Variants in TRPM3 observed in about 807,000 individuals in gnomAD.
The protein encoded by TRPM3 is long transient receptor potential channel 3.
A neutral mutation model predicts 181.2 loss-of-function variants in TRPM3; 77 were observed. The ratio of observed to expected loss-of-function variants is 0.42; its 90% confidence interval spans 0.35 to 0.51. TRPM3 has a LOEUF of 0.51. Ranked by LOEUF, TRPM3 falls within the 20% of genes least tolerant of loss-of-function variation. The pLI is 0.01. For synonymous variants in TRPM3, 745 were observed against 796.4 expected, an observed-to-expected ratio of 0.94 and a Z score of 1.09; for missense variants, 1,759 against 2,196.7, an observed-to-expected ratio of 0.80 and a Z score of 3.98.
At chr9:71,296,872 C>T (rs1315092085) in intron 1 of TRPM3, among the ~76,000 whole-genome samples, 1 of 151,748 alleles carries the variant, frequency 6.6e-6, no homozygotes, top group Non-Finnish European at 1.5e-5. Context: ...AAGTTTTGGG[C>T]ATCTACTACT....
rs1165014529 is a variant in TRPM3, at chr9:70,625,466, T to C, written c.1668+16A>G. 1.2e-6 allele frequency: 2 copies of C among 1,607,722 alleles called. No individual in the cohort carries two copies. Among genetic ancestry groups the C allele is most frequent in the East Asian group, 2.2e-5 (1 of 44,872 alleles). ...GAAACATATGAATGTATTATTATGC[T>C]GGTTAATTAATTCACCTTAAAATAG... On this transcript the variant is annotated intron_variant, in intron 13 of 25. Transcript: ENST00000677713. The surrounding 1 kb of genome is among the most constrained non-coding windows in gnomAD (Gnocchi z 4.8).
intron 1 of TRPM3, among the ~76,000 whole-genome samples, chr9:70,948,820 T>C (rs1431337770): frequency 3.9e-5 from 6 of 152,228 alleles, no homozygotes; most frequent in Admixed American, 6.5e-5. Flanking sequence ...TGGATTTGCT[T>C]GAACTACTTA....
intron 8 of TRPM3, among the ~76,000 whole-genome samples, chr9:70,754,470 G>A (rs544096483): frequency 1.3e-5 from 2 of 152,184 alleles, no homozygotes; most frequent in Admixed American, 1.3e-4. Context: ...AAGCAGAGGA[G>A]TGAATTACTT....
At position 71,009,462 on chromosome 9, in the gene TRPM3, AAAGT is replaced by A. The variant is rs563422388; in HGVS notation, c.177+111712_177+111715del. Reference sequence around the variant, plus strand: ...TACACCAGTAGTGAACTATCTGAAAAAAGTAATTAAGAAAACAATTTTATTTACA... The same window carrying A: ...TACACCAGTAGTGAACTATCTGAAAAAATTAAGAAAACAATTTTATTTACA... On this transcript the variant is annotated intron_variant, in intron 1 of 25. Transcript: ENST00000677713. Among the ~76,000 whole-genome samples the A allele has an allele frequency of 4.9e-4, 74 of 152,298 alleles. 1 individual carries two copies. Among genetic ancestry groups the A allele is most frequent in the African/African-American group, 1.6e-3 (68 of 41,576 alleles).
At chr9:70,869,614 G>A (rs1217061534) in intron 1 of TRPM3, among the ~76,000 whole-genome samples, 3 of 152,170 alleles carry the variant, frequency 2.0e-5, no homozygotes, top group South Asian at 2.1e-4. Context: ...GAAGAATGAA[G>A]TTGGAGTTTG....
intron 6 of TRPM3, among the ~76,000 whole-genome samples, chr9:70,804,056 C>A (rs955955202): frequency 3.3e-5 from 5 of 152,044 alleles, no homozygotes; most frequent in Non-Finnish European, 7.4e-5. Flanking sequence ...TCTGGCCAGG[C>A]ATGGTGGCTC....
At chr9:70,608,747 T>C (rs865991125) in intron 19 of TRPM3, among the ~76,000 whole-genome samples, 6 of 152,176 alleles carry the variant, frequency 3.9e-5, no homozygotes, top group African/African-American at 7.2e-5. Flanking sequence ...GGCTGAGACA[T>C]GAGACTCACT....
intron 12 of TRPM3, among the ~76,000 whole-genome samples, chr9:70,628,281 C>A (rs1186928773): frequency 6.6e-6 from 1 of 152,142 alleles, no homozygotes; most frequent in Non-Finnish European, 1.5e-5. Context: ...TTTTCCCTGG[C>A]AGGGTGAGGA....
upstream of TRPM3, among the ~76,000 whole-genome samples, chr9:71,124,496 T>C (rs1393800163): frequency 6.6e-6 from 1 of 152,138 alleles, no homozygotes; most frequent in African/African-American, 2.4e-5. Context: ...GCAGGGCATA[T>C]CAGATTTCTG....
At chr9:71,263,210 A>T (rs1230815276) in intron 1 of TRPM3, among the ~76,000 whole-genome samples, 1 of 152,116 alleles carries the variant, frequency 6.6e-6, no homozygotes, top group Non-Finnish European at 1.5e-5. Context: ...TCATACCTTC[A>T]TCTTAGTTGA....
chr9:71,421,598 A>C (rs533989356), intron 1 of TRPM3, among the ~76,000 whole-genome samples: 2 of 151,984 alleles, frequency 1.3e-5, no homozygotes, highest in African/African-American at 4.8e-5. Flanking sequence ...ATATACAGTC[A>C]TATGTCACTT....
intron 1 of TRPM3, among the ~76,000 whole-genome samples, chr9:71,302,780 CT>C (rs2086894199): frequency 7.7e-6 from 1 of 130,132 alleles, no homozygotes; most frequent in Admixed American, 8.2e-5. Context: ...AATAAATATT[CT>C]AAAAAAAAAA....
chr9:71,354,383 A>T (rs897126374), intron 1 of TRPM3, among the ~76,000 whole-genome samples: 1 of 152,060 alleles, frequency 6.6e-6, no homozygotes, highest in African/African-American at 2.4e-5. Flanking sequence ...CCACCCACAC[A>T]CTCATTAGGT....
intron 1 of TRPM3, among the ~76,000 whole-genome samples, chr9:70,945,579 A>T (rs938732170): frequency 2.6e-5 from 4 of 152,188 alleles, no homozygotes; most frequent in African/African-American, 9.6e-5. Flanking sequence ...GACATTAACC[A>T]ACTCCCCAAA....
At chr9:70,823,138 C>T (rs1188403213) in intron 6 of TRPM3, among the ~76,000 whole-genome samples, 1 of 152,084 alleles carries the variant, frequency 6.6e-6, no homozygotes, top group Non-Finnish European at 1.5e-5. Context: ...CCCCCCGACC[C>T]CACGCACACA....
intron 1 of TRPM3, among the ~76,000 whole-genome samples, chr9:70,891,273 G>A (rs549234281): frequency 3.3e-5 from 5 of 151,952 alleles, no homozygotes; most frequent in Admixed American, 2.0e-4. Context: ...CTGAAAAATT[G>A]AAAAAAATAA....
At chr9:70,784,619 G>T (rs1337829546) in intron 6 of TRPM3, among the ~76,000 whole-genome samples, 3 of 152,192 alleles carry the variant, frequency 2.0e-5, no homozygotes, top group Non-Finnish European at 2.9e-5. Context: ...CAGCAACCAA[G>T]AGCGTGGAAG....
intron 1 of TRPM3, among the ~76,000 whole-genome samples, chr9:71,011,223 T>C (rs1424093269): frequency 6.6e-6 from 1 of 152,132 alleles, no homozygotes; most frequent in Non-Finnish European, 1.5e-5. Context: ...TTTCTGGTGT[T>C]CTATTACACA....
chr9:71,177,932 CAAAAAAA>C (rs10717759), intron 1 of TRPM3, among the ~76,000 whole-genome samples: 1 of 123,592 alleles, frequency 8.1e-6, no homozygotes, highest in African/African-American at 3.0e-5. Context: ...TGCTCAAAGC[CAAAAAAA>C]AAAAAAAAAG....
Sources: allele counts gnomAD v4.1 joint callset (sites outside exome capture counted in the v4.1 genomes callset), GRCh38; gene constraint gnomAD v4.1.1; non-coding constraint Gnocchi (gnomAD v3.1); transcripts MANE v1.5; gene names NCBI Gene and HGNC (gene_info 2026-07-23, HGNC 2026-07-21).